MTHFD1: variants seen among roughly 807,000 people sequenced by gnomAD.
MTHFD1 encodes the protein C-1-tetrahydrofolate synthase, cytoplasmic.
Under a neutral mutation model 110.3 loss-of-function variants are expected in MTHFD1, and 44 were observed. The ratio of observed to expected loss-of-function variants is 0.40; its 90% CI spans 0.31 to 0.51. MTHFD1 has a LOEUF of 0.51. Among genes scored for constraint, MTHFD1 ranks in the 20% least tolerant of loss-of-function variants. The probability of loss-of-function intolerance (pLI) is 0.60; values close to 1 mark genes in which losing one functional copy is unlikely to be tolerated. For synonymous variants in MTHFD1, 402 were observed against 428.8 expected (o/e 0.94, Z 0.77); for missense variants, 909 against 1,173.1 (o/e 0.77, Z 3.29).
intron 26 of MTHFD1, 43 bp from the exon 27 acceptor site, chr14:64,458,169 CTG>C (rs1459908873): frequency 6.9e-7 from 1 of 1,449,636 alleles, no homozygotes; most frequent in African/African-American, 1.4e-5. Flanking sequence ...GCGTGAGCCA[CTG>C]TGCCCAGCAT....
At chr14:64,457,503 T>G (rs978798557) in intron 26 of MTHFD1, among the ~76,000 whole-genome samples, 3 of 151,674 alleles carry the variant, frequency 2.0e-5, no homozygotes, top group Non-Finnish European at 4.4e-5. Flanking sequence ...TCACCCAGGC[T>G]GGAGTGCAGT....
intron 22 of MTHFD1, among the ~76,000 whole-genome samples, chr14:64,447,149 CTTTTTTTTTTTTTT>C (rs35824559): frequency 3.6e-5 from 2 of 56,226 alleles, no homozygotes; most frequent in African/African-American, 7.9e-5. Flanking sequence ...CAGCTCAGTT[CTTTTTTTTTTTTTT>C]TTTTTTTTTT....
intron 21 of MTHFD1, among the ~76,000 whole-genome samples, 187 bp from the exon 22 acceptor site, chr14:64,444,506 G>A (rs1229951265): frequency 6.6e-6 from 1 of 152,102 alleles, no homozygotes; most frequent in Non-Finnish European, 1.5e-5. Context: ...GCTGCCCAAA[G>A]CAGTCGATTT....
chr14:64,410,533 T>C (rs1004097597), intron 2 of MTHFD1, among the ~76,000 whole-genome samples: 12 of 152,252 alleles, frequency 7.9e-5, no homozygotes, highest in African/African-American at 2.6e-4. Context: ...GCCTCCTCTC[T>C]GTGTTGGGGC....
chr14:64,459,177 A>G (rs571462033), intron 27 of MTHFD1, among the ~76,000 whole-genome samples: 3 of 152,332 alleles, frequency 2.0e-5, no homozygotes, highest in Admixed American at 2.0e-4. Context: ...GCCACCCCAC[A>G]TCTCTTCCTA....
intron 19 of MTHFD1, 40 bp from the exon 20 acceptor site, chr14:64,442,014 A>G (rs1246732702): frequency 1.1e-5 from 15 of 1,335,408 alleles, no homozygotes; most frequent in Non-Finnish European, 1.6e-5. Context: ...ACTTTGAAGC[A>G]GGATTGGCAG....
chr14:64,445,772 T>G (rs2078285324), intron 22 of MTHFD1, among the ~76,000 whole-genome samples: 1 of 152,238 alleles, frequency 6.6e-6, no homozygotes, highest in Non-Finnish European at 1.5e-5. Flanking sequence ...TTACAGTGAC[T>G]GCCCCTAGCT....
intron 22 of MTHFD1, chr14:64,447,950 A>C: frequency 2.0e-6 from 1 of 502,882 alleles, no homozygotes; most frequent in Non-Finnish European, 3.6e-6. Context: ...ATGACAGGAA[A>C]CATACCAGCT....
At position 64,403,785 on chromosome 14, in the gene MTHFD1, GA is replaced by G. The variant is rs2077917321; in HGVS notation, c.126+2909del. Among the ~76,000 whole-genome samples the G allele has an allele frequency of 4.6e-5, 7 of 151,958 alleles. No individual in the cohort carries two copies. In the South Asian group the frequency reaches 1.2e-3, roughly 27 times the overall value. ...AGTCTCCAACTCCTGGGCTCAAAGT[GA>G]TCCTCCCGCCTTGGCCTCCCAAAGT... On this transcript the variant is annotated intron_variant, in intron 2 of 27. Transcript: ENST00000652337.
At chr14:64,458,147 C>T in intron 26 of MTHFD1, 67 bp from the exon 27 acceptor site, 1 of 1,273,544 alleles carries the variant, frequency 7.9e-7, no homozygotes, top group Non-Finnish European at 1.2e-6. Flanking sequence ...CCACCTCAGC[C>T]TGGGATTATA....
chr14:64,415,474 A>G lies in MTHFD1; in HGVS notation c.357A>G (p.Ala119=). Residue 119 remains alanine (A), a synonymous_variant, in exon 5 of 28, where the codon GCA becomes GCG. Transcript: ENST00000652337. ...CTGAAGAAGTGATCAATGCTATTGC[A>G]CCCGAGAAGGATGTGGATGGGTAAG... ...INTEEVINAI[A]PEKDVDGLTS... 1.2e-6 allele frequency: 2 copies of G among 1,614,172 alleles called. No homozygotes were observed. The highest frequency in any genetic ancestry group is 1.7e-6 in the Non-Finnish European group (2 of 1,180,032).
intron 21 of MTHFD1, among the ~76,000 whole-genome samples, chr14:64,443,417 C>T (rs1359811042): frequency 1.3e-5 from 2 of 152,192 alleles, no homozygotes; most frequent in East Asian, 3.8e-4. Flanking sequence ...TTGAAGACAG[C>T]ACTTGATCTG....
At position 64,458,132 on chromosome 14, in the gene MTHFD1, C is replaced by A. The variant is rs924781039; in HGVS notation, c.2719-82C>A. 3.8e-5 allele frequency: 42 copies of A among 1,102,112 alleles called. No individual in the cohort carries two copies. The East Asian group carries it at 9.2e-4, about 24-fold the overall frequency. 68.3% of individuals were successfully genotyped at this position (1,102,112 alleles called of 1,614,324 possible). On this transcript the variant is annotated intron_variant, in intron 26 of 27. Transcript: ENST00000652337. ...TTTAGAACTCCTGGCCTCAAGTGAT[C>A]CTCTCCACCTCAGCCTGGGATTATA...
In MTHFD1 at chr14:64,449,463, G is replaced by C. The variant is rs1279481757; in HGVS notation, c.2298G>C (p.Glu766Asp). Residue 766 changes from glutamate to aspartate, a missense_variant, in exon 24 of 28, where the codon GAG (glutamate) becomes GAC (aspartate). Transcript: ENST00000652337. The stretch of plus-strand genomic sequence containing the variant: ...TTTATAGGACGGATACAGAGTCTGA[G>C]CTGGACCTCATCAGCCGCCTTTCCA... ...VNAFKTDTES[E>D]LDLISRLSRE... is the part of the protein sequence containing the mutation. 4 of 1,613,646 alleles carry C rather than the reference G, an allele frequency of 2.5e-6. No individual in the cohort carries two copies. The Admixed American group carries it at 6.7e-5, about 27-fold the overall frequency.
chr14:64,408,883 A>G (rs957462648), intron 2 of MTHFD1, among the ~76,000 whole-genome samples: 2 of 152,198 alleles, frequency 1.3e-5, no homozygotes, highest in African/African-American at 2.4e-5. Flanking sequence ...TAGGAGTTGC[A>G]GGCTGCAGTG....
chr14:64,432,922 AATT>A (rs1235004541), intron 15 of MTHFD1, among the ~76,000 whole-genome samples: 81 of 152,058 alleles, frequency 5.3e-4, no homozygotes, highest in Admixed American at 1.4e-3. Context: ...ACACCTGGCT[AATT>A]TTTTATTTTA....
intron 23 of MTHFD1, 111 bp downstream of exon 23, chr14:64,448,428 G>A (rs368529036): frequency 2.7e-5 from 24 of 894,666 alleles, no homozygotes; most frequent in East Asian, 2.6e-4. Flanking sequence ...ATTGGTTATA[G>A]CCTGTGGTTT....
intron 1 of MTHFD1, among the ~76,000 whole-genome samples, chr14:64,398,381 A>G (rs1273772017): frequency 6.6e-6 from 1 of 152,070 alleles, no homozygotes; most frequent in African/African-American, 2.4e-5. Flanking sequence ...TCCCATCTCT[A>G]CAAAAAATAC....
At chr14:64,441,294 A>G (rs1161502124) in intron 18 of MTHFD1, 91 bp from the exon 19 acceptor site, 1 of 1,227,582 alleles carries the variant, frequency 8.1e-7, no homozygotes, top group Non-Finnish European at 1.2e-6. Context: ...AAGATGGCTA[A>G]CATGGGTAAG....
Sources: gnomAD v4.1 joint callset for allele counts (sites outside exome capture counted in the v4.1 genomes callset) on GRCh38, gnomAD v4.1.1 for gene constraint, MANE v1.5 for transcripts, NCBI Gene and HGNC (gene_info 2026-07-23, HGNC 2026-07-21) for gene names.